COL15A1: variants seen among roughly 807,000 people sequenced by gnomAD.
The protein encoded by COL15A1 is collagen type XV alpha 1 chain, also known as collagen alpha-1(XV) chain.
A neutral mutation model predicts 165.9 loss-of-function variants in COL15A1; 111 were observed. The observed-to-expected ratio is 0.67, with a 90% confidence interval of 0.57 to 0.78. COL15A1 has a LOEUF of 0.78. COL15A1 is among the 30% of genes least tolerant of loss of function. The probability of loss-of-function intolerance (pLI) is 0.00; values close to 1 mark genes in which losing one functional copy is unlikely to be tolerated. For missense variants in COL15A1, 1,745 were observed against 1,789.7 expected, an observed-to-expected ratio of 0.98 and a Z score of 0.45; for synonymous variants, 659 against 674.8, an observed-to-expected ratio of 0.98 and a Z score of 0.36.
intron 19 of COL15A1, 71 bp downstream of exon 19, chr9:99,035,489 T>C: frequency 1.3e-6 from 2 of 1,595,720 alleles, no homozygotes; most frequent in South Asian, 2.2e-5. Context: ...AGCTGTGGGC[T>C]GCATCCCGGC....
intron 9 of COL15A1, among the ~76,000 whole-genome samples, chr9:99,006,469 G>C (rs540168417): frequency 6.6e-6 from 1 of 152,354 alleles, no homozygotes; most frequent in African/African-American, 2.4e-5. Context: ...TGGTCTGTCT[G>C]TGCTGGTCAG....
chr9:99,069,579 A>T, intron 41 of COL15A1, 94 bp from the exon 42 acceptor site: 1 of 1,488,314 alleles, frequency 6.7e-7, no homozygotes. Context: ...TAAGGAGTTT[A>T]ACTTGATTCA....
At chr9:98,950,449 TCCTTCCCTCCTTCCTTCCCTCCCTC>T (rs1357056599) in intron 2 of COL15A1, among the ~76,000 whole-genome samples, 1 of 146,388 alleles carries the variant, frequency 6.8e-6, no homozygotes, top group Admixed American at 6.9e-5. Flanking sequence ...TCTTTCTCCT[TCCTTCCCTCCTTCCTTCCCTCCCTC>T]CCTTCCCTCC....
intron 2 of COL15A1, among the ~76,000 whole-genome samples, chr9:98,954,293 T>G (rs1377552878): frequency 1.3e-5 from 2 of 152,194 alleles, no homozygotes; most frequent in African/African-American, 2.4e-5. Context: ...AAAGAGGAGT[T>G]TAAAAAGATC....
At chr9:99,011,002 C>A (rs1838839756) in intron 9 of COL15A1, among the ~76,000 whole-genome samples, 1 of 151,988 alleles carries the variant, frequency 6.6e-6, no homozygotes, top group South Asian at 2.1e-4. Flanking sequence ...TAGCATCAGG[C>A]CACAACATTT....
At position 99,062,093 on chromosome 9, in the gene COL15A1, A is replaced by G. The variant is rs200136220; in HGVS notation, c.3525A>G (p.Lys1175=). Residue 1175 remains lysine, a synonymous_variant, in exon 37 of 42, where the codon AAA becomes AAG. Coordinates refer to ENST00000375001, the MANE Select transcript of COL15A1 (RefSeq NM_001855.5). The part of the protein sequence containing the change: ...FFIRVRDGWK[K]LQLGELIPIP... ...TTCGTGTTAGAGATGGCTGGAAAAA[A>G]TTACAGGTAATTTCTAAACTTCCTT... 5.1e-5 allele frequency: 83 copies of G among 1,614,020 alleles called. No homozygotes were observed. In the East Asian group the frequency reaches 1.8e-3, roughly 36 times the overall value.
intron 30 of COL15A1, among the ~76,000 whole-genome samples, chr9:99,050,368 C>T (rs1839567995): frequency 6.7e-6 from 1 of 149,344 alleles, no homozygotes. Flanking sequence ...GATAATGAAA[C>T]AAACTGTGAC....
chr9:98,980,041 C>A (rs1424749006), intron 2 of COL15A1, among the ~76,000 whole-genome samples: 2 of 151,916 alleles, frequency 1.3e-5, no homozygotes, highest in African/African-American at 4.8e-5. Flanking sequence ...GCCTGTAGCC[C>A]CAGACATTTG....
intron 3 of COL15A1, 120 bp downstream of exon 3, chr9:98,986,232 G>A: frequency 1.2e-6 from 1 of 817,216 alleles, no homozygotes; most frequent in Non-Finnish European, 1.9e-6. Context: ...AAGCATGCGT[G>A]TTATGATGGG....
chr9:98,996,935 C>T lies in COL15A1; in HGVS notation c.806C>T (p.Pro269Leu), dbSNP rs531567105. The T allele has an allele frequency of 6.2e-7, 1 of 1,613,624 alleles. No individual in the cohort carries two copies. The highest frequency in any genetic ancestry group is 1.1e-5 in the South Asian group (1 of 91,012). The change falls in exon 6 of 42, where the codon CCC (proline) becomes CTC (leucine). Residue 269 changes from proline (P) to leucine (L), a missense_variant and splice_region_variant. Coordinates refer to ENST00000375001, the MANE Select transcript of COL15A1 (RefSeq NM_001855.5). Reference protein sequence around the residue: ...LEAVTYTQASPKEAKVEPINT... With the variant: ...LEAVTYTQASLKEAKVEPINT... ...GCATCTCATTTTTCCTCCCTTCAGC[C>T]CAAAGAAGCAAAAGTTGAACCCATA...
At chr9:99,010,868 T>C (rs55881088) in intron 9 of COL15A1, among the ~76,000 whole-genome samples, 8,757 of 152,346 alleles carry the variant, frequency 0.057, 370 homozygotes, top group Non-Finnish European at 0.087. Context: ...GTAAGATCTG[T>C]TTATTAGGCC....
chr9:98,947,936 T>C (rs1022636795), intron 2 of COL15A1, among the ~76,000 whole-genome samples: 7 of 152,240 alleles, frequency 4.6e-5, no homozygotes, highest in African/African-American at 1.7e-4. Flanking sequence ...ACTTCCTCCA[T>C]GAACTTAGAT....
chr9:98,977,995 G>A lies in COL15A1; in HGVS notation c.101-7570G>A, dbSNP rs537677082. Reference sequence around the variant, plus strand: ...TCTCCAGCTGACCAACCATTGGCCAGGACCTGGAGTGGTCGGGGCTGTGGG... The same window carrying A: ...TCTCCAGCTGACCAACCATTGGCCAAGACCTGGAGTGGTCGGGGCTGTGGG... On this transcript the variant is annotated intron_variant, in intron 2 of 41. Coordinates refer to ENST00000375001, the MANE Select transcript of COL15A1 (RefSeq NM_001855.5). Among the ~76,000 whole-genome samples, 14 of 152,296 alleles carry A rather than the reference G, an allele frequency of 9.2e-5. No homozygotes were observed. The East Asian group carries it at 2.7e-3, about 29-fold the overall frequency.
In COL15A1 at chr9:98,978,562, T is replaced by C. The variant is rs186343112; in HGVS notation, c.101-7003T>C. ...TAGGGTGTTTGTGGTTTTGTTTTGTTTTTGTCTTTAAACCGTGGAGGAAAG... is the reference window on the plus strand; with the variant it reads ...TAGGGTGTTTGTGGTTTTGTTTTGTCTTTGTCTTTAAACCGTGGAGGAAAG... On this transcript the variant is annotated intron_variant, in intron 2 of 41. Coordinates refer to ENST00000375001, the MANE Select transcript of COL15A1 (RefSeq NM_001855.5). Among the ~76,000 whole-genome samples the C allele has an allele frequency of 1.7e-4, 26 of 152,304 alleles. No homozygotes were observed. In the East Asian group the frequency reaches 1.9e-3, roughly 11 times the overall value.
chr9:98,961,534 A>T (rs1837865000), intron 2 of COL15A1, among the ~76,000 whole-genome samples: 2 of 152,166 alleles, frequency 1.3e-5, no homozygotes, highest in African/African-American at 4.8e-5. Flanking sequence ...CAGAATGAGG[A>T]GAGGATGGAA....
intron 9 of COL15A1, among the ~76,000 whole-genome samples, chr9:99,007,626 C>G (rs564423806): frequency 1.3e-5 from 2 of 152,236 alleles, no homozygotes; most frequent in East Asian, 1.9e-4. Flanking sequence ...AAAAGAAGAA[C>G]AATCCTGGAA....
At chr9:98,995,667 G>C (rs1245320553) in intron 5 of COL15A1, among the ~76,000 whole-genome samples, 2 of 152,182 alleles carry the variant, frequency 1.3e-5, no homozygotes, top group Non-Finnish European at 2.9e-5. Flanking sequence ...ACTCCTTAAA[G>C]CCTTTCCTCC....
intron 16 of COL15A1, among the ~76,000 whole-genome samples, chr9:99,032,443 C>T (rs1022625560): frequency 1.6e-4 from 24 of 152,278 alleles, no homozygotes; most frequent in African/African-American, 5.8e-4. Context: ...CCACCTCAGC[C>T]TCCCAAAGTG....
intron 2 of COL15A1, among the ~76,000 whole-genome samples, chr9:98,971,792 G>T (rs1838059853): frequency 6.6e-6 from 1 of 152,192 alleles, no homozygotes; most frequent in African/African-American, 2.4e-5. Context: ...AGCAGAGCTG[G>T]GTCACAGGAT....
Sources: allele counts gnomAD v4.1 joint callset (sites outside exome capture counted in the v4.1 genomes callset), GRCh38; gene constraint gnomAD v4.1.1; transcripts MANE v1.5; gene names NCBI Gene and HGNC (gene_info 2026-07-23, HGNC 2026-07-21).